Variants in EVI5 observed in about 807,000 individuals in gnomAD.
EVI5 encodes the protein ecotropic viral integration site 5, also known as ecotropic viral integration site 5 protein homolog.
EVI5 carries 73 observed loss-of-function variants against 112.0 expected under a neutral mutation model. That is an observed-to-expected ratio of 0.65 (90% confidence interval 0.54 to 0.79). The LOEUF is 0.79. Ranked by LOEUF, EVI5 falls within the 30% of genes least tolerant of loss-of-function variation. The pLI, the probability that EVI5 is intolerant of heterozygous loss-of-function variation, is 0.00. For missense variants in EVI5, 900 were observed against 968.8 expected, an observed-to-expected ratio of 0.93 and a Z score of 0.94; for synonymous variants, 305 against 319.9, an observed-to-expected ratio of 0.95 and a Z score of 0.50.
intron 15 of EVI5, among the ~76,000 whole-genome samples, chr1:92,624,734 A>G (rs1350879088): frequency 6.6e-6 from 1 of 151,454 alleles, no homozygotes; most frequent in Non-Finnish European, 1.5e-5. Context: ...TTTATTGGAG[A>G]AAAGAGAGAC....
intron 1 of EVI5, among the ~76,000 whole-genome samples, chr1:92,754,232 C>T (rs1344315778): frequency 1.3e-5 from 2 of 152,144 alleles, no homozygotes; most frequent in African/African-American, 4.8e-5. Flanking sequence ...TTTTTACTTC[C>T]ACCAGAATAC....
chr1:92,759,521 T>C (rs1291530356), intron 1 of EVI5, among the ~76,000 whole-genome samples: 1 of 152,244 alleles, frequency 6.6e-6, no homozygotes, highest in Non-Finnish European at 1.5e-5. Flanking sequence ...TTTAAATGTA[T>C]GATTCATGGC....
rs140589662 is a variant in EVI5 at position 92,671,052 on chromosome 1, G to T, written c.1159-5060C>A. Among the ~76,000 whole-genome samples, 311 of 151,422 alleles carry T rather than the reference G, an allele frequency of 2.1e-3. 1 individual carries two copies. Among genetic ancestry groups the T allele is most frequent in the African/African-American group, 7.3e-3 (301 of 41,240 alleles). On this transcript the variant is annotated intron_variant, in intron 10 of 19. Coordinates refer to ENST00000684568, the MANE Select transcript of EVI5 (RefSeq NM_001350197.2). ...TATCTTAAAAAAAAAACAGAAAACAGAAACAAAAAATTCAACATAATTACC... is the reference window on the plus strand; with the variant it reads ...TATCTTAAAAAAAAAACAGAAAACATAAACAAAAAATTCAACATAATTACC...
In EVI5 at chr1:92,513,563, AT is replaced by A. The variant is rs1659366915; in HGVS notation, c.*92del. Reference sequence around the variant, plus strand: ...TATATATATATATATATATATATATATATGTACATATGAAACAAATTATTTC... The same window carrying A: ...TATATATATATATATATATATATATAATGTACATATGAAACAAATTATTTC... On this transcript the variant is annotated 3_prime_UTR_variant, in exon 20 of 20. Transcript: ENST00000684568. 1 of 75,100 alleles carries A rather than the reference AT, an allele frequency of 1.3e-5. No homozygotes were observed. Among genetic ancestry groups the A allele is most frequent in the Admixed American group, 1.2e-4 (1 of 8,528 alleles). 4.7% of individuals were successfully genotyped at this position (75,100 alleles called of 1,614,324 possible). A position where few individuals can be genotyped will look rare whatever the true frequency, so the allele number is the denominator to read the frequency against.
At chr1:92,565,921 G>C (rs1006467060) in intron 18 of EVI5, among the ~76,000 whole-genome samples, 16 of 115,816 alleles carry the variant, frequency 1.4e-4, no homozygotes, top group Admixed American at 6.2e-4. Flanking sequence ...AGTGAGCTGA[G>C]ATTGCGCCAC....
At chr1:92,701,840 T>A (rs558856935) in intron 5 of EVI5, among the ~76,000 whole-genome samples, 13 of 150,384 alleles carry the variant, frequency 8.6e-5, no homozygotes, top group Admixed American at 8.0e-4. Context: ...AGAAAAAGAT[T>A]ACTCTTCATT....
intron 2 of EVI5, among the ~76,000 whole-genome samples, chr1:92,735,646 AT>A (rs1191933338): frequency 6.3e-5 from 9 of 142,426 alleles, no homozygotes; most frequent in Non-Finnish European, 7.5e-5. Flanking sequence ...TGTCATATAT[AT>A]ATATAATTAT....
intron 2 of EVI5, among the ~76,000 whole-genome samples, chr1:92,723,561 T>C (rs1365051989): frequency 6.6e-6 from 1 of 152,230 alleles, no homozygotes; most frequent in Non-Finnish European, 1.5e-5. Flanking sequence ...GTCTTTACTT[T>C]AATCTCTTAA....
intron 1 of EVI5, among the ~76,000 whole-genome samples, chr1:92,771,902 TG>T (rs1422311455): frequency 1.3e-5 from 2 of 152,108 alleles, no homozygotes; most frequent in African/African-American, 4.8e-5. Flanking sequence ...TCGCCCAGGC[TG>T]GAGTGCAATG....
chr1:92,550,746 CAAAAAAAAAAAAAAAAAAAA>C (rs1164076965), intron 19 of EVI5, among the ~76,000 whole-genome samples: 1 of 4,518 alleles, frequency 2.2e-4, no homozygotes, highest in Non-Finnish European at 3.9e-4. Flanking sequence ...GACTCCGTCT[CAAAAAAAAAAAAAAAAAAAA>C]AAAAAAAAAA....
chr1:92,755,561 C>T (rs765867684), intron 1 of EVI5, among the ~76,000 whole-genome samples: 2 of 152,162 alleles, frequency 1.3e-5, no homozygotes, highest in African/African-American at 4.8e-5. Flanking sequence ...TGATACATGT[C>T]GATGGGCTGA....
chr1:92,600,085 A>G (rs1648795202), intron 18 of EVI5, among the ~76,000 whole-genome samples: 1 of 152,188 alleles, frequency 6.6e-6, no homozygotes. Flanking sequence ...GAGAAATGTT[A>G]TTATAGACTC....
rs546699263 is a variant in EVI5 at position 92,782,356 on chromosome 1, G to GA, written c.-82+2479dup. On this transcript the variant is annotated intron_variant, in intron 1 of 19. Transcript: ENST00000684568. The stretch of plus-strand genomic sequence containing the variant: ...AGACTGAAAAGGCAAAATACAGACT[G>GA]AAAAAAATAAAAATGCAATACATAT... 2.0e-5 allele frequency among the ~76,000 whole-genome samples: 3 copies of GA among 151,628 alleles called. No individual in the cohort carries two copies. The East Asian group carries it at 5.8e-4, about 29-fold the overall frequency.
chr1:92,595,611 G>T (rs1168495689), intron 18 of EVI5, among the ~76,000 whole-genome samples: 1 of 152,146 alleles, frequency 6.6e-6, no homozygotes, highest in Non-Finnish European at 1.5e-5. Flanking sequence ...AAGATCAAAG[G>T]AGGAGGGAGA....
intron 7 of EVI5, among the ~76,000 whole-genome samples, chr1:92,694,846 A>G (rs2102474824): frequency 6.6e-6 from 1 of 152,354 alleles, no homozygotes; most frequent in South Asian, 2.1e-4. Context: ...TGCTACTGAC[A>G]AAAGGACAAC....
chr1:92,745,393 T>C (rs531594057), intron 1 of EVI5, among the ~76,000 whole-genome samples: 23 of 152,310 alleles, frequency 1.5e-4, no homozygotes, highest in African/African-American at 5.1e-4. Context: ...TCATTAATAA[T>C]GATAATATTC....
intron 2 of EVI5, among the ~76,000 whole-genome samples, chr1:92,717,205 G>T (rs1287480039): frequency 2.0e-5 from 3 of 151,636 alleles, no homozygotes; most frequent in Non-Finnish European, 4.4e-5. Flanking sequence ...TCAAATTAAT[G>T]AAATACTCCT....
chr1:92,626,824 T>G (rs1176185445), intron 14 of EVI5, among the ~76,000 whole-genome samples: 1 of 152,220 alleles, frequency 6.6e-6, no homozygotes, highest in Admixed American at 6.5e-5. Context: ...TTTTTAAATA[T>G]TCATAGAAAA....
intron 2 of EVI5, among the ~76,000 whole-genome samples, chr1:92,728,630 C>T (rs549565839): frequency 1.3e-5 from 2 of 152,266 alleles, no homozygotes; most frequent in East Asian, 1.9e-4. Context: ...TCAGGTGATC[C>T]GCCCACCTTG....
Sources: allele counts gnomAD v4.1 joint callset (sites outside exome capture counted in the v4.1 genomes callset), GRCh38; gene constraint gnomAD v4.1.1; transcripts MANE v1.5; gene names NCBI Gene and HGNC (gene_info 2026-07-23, HGNC 2026-07-21).